The following PRORP variants were observed in gnomAD, a reference collection of about 807,000 sequenced individuals.
The protein encoded by PRORP is mitochondrial ribonuclease P catalytic subunit.
In PRORP, 51 loss-of-function variants were observed where a neutral mutation model predicts 59.4. The observed-to-expected ratio is 0.86, with a 90% confidence interval of 0.69 to 1.08. The LOEUF is 1.08. PRORP is among the 50% of genes least tolerant of loss of function. The pLI, the probability that PRORP is intolerant of heterozygous loss-of-function variation, is 0.00. For synonymous variants in PRORP, 231 were observed against 245.6 expected (o/e 0.94, Z 0.55); for missense variants, 646 against 690.3 (o/e 0.94, Z 0.72).
chr14:35,245,687 A>G (rs1034573973), intron 5 of PRORP, among the ~76,000 whole-genome samples: 3 of 152,106 alleles, frequency 2.0e-5, no homozygotes, highest in African/African-American at 7.2e-5. Context: ...CTTGGTGATG[A>G]CAGTATGCAA....
rs532520505 is a variant in PRORP, at chr14:35,129,944, T to C, written c.1167+2333T>C. Among the ~76,000 whole-genome samples, 22 of 152,328 alleles carry C rather than the reference T, an allele frequency of 1.4e-4. No individual in the cohort carries two copies. In the South Asian group the frequency reaches 4.3e-3, roughly 30 times the overall value. ...GTCTCCCTGCTTTTTAACTTTTTAT[T>C]GTTTCTATTTATATCTTACTGTACT... is the stretch of plus-strand genomic sequence containing the variant. On this transcript the variant is annotated intron_variant, in intron 4 of 7. Transcript: ENST00000534898.
chr14:35,181,498 C>G (rs577112445), intron 5 of PRORP, among the ~76,000 whole-genome samples: 6 of 151,996 alleles, frequency 3.9e-5, no homozygotes, highest in Admixed American at 3.9e-4. Context: ...AAATTGCTGC[C>G]GCTGGCTGGG....
chr14:35,219,718 C>T (rs1050784552), intron 5 of PRORP, among the ~76,000 whole-genome samples: 2 of 151,752 alleles, frequency 1.3e-5, no homozygotes, highest in Non-Finnish European at 2.9e-5. Context: ...CTGGCAAATT[C>T]TTGTATGCCT....
chr14:35,186,617 A>G (rs2048749594), intron 5 of PRORP, among the ~76,000 whole-genome samples: 2 of 147,826 alleles, frequency 1.4e-5, no homozygotes. Context: ...TTCTTTTGAG[A>G]CAGGTACTTG....
At chr14:35,140,220 T>C in intron 4 of PRORP, among the ~76,000 whole-genome samples, 1 of 113,178 alleles carries the variant, frequency 8.8e-6, no homozygotes, top group East Asian at 3.6e-4. Flanking sequence ...GGTAGATGTC[T>C]TATGGTAGAT....
chr14:35,160,841 G>A (rs184696717), intron 4 of PRORP, among the ~76,000 whole-genome samples: 20 of 152,288 alleles, frequency 1.3e-4, no homozygotes, highest in Non-Finnish European at 2.4e-4. Context: ...ATGCACTACA[G>A]GCAATCCTCA....
intron 4 of PRORP, among the ~76,000 whole-genome samples, chr14:35,165,308 G>A (rs1368193351): frequency 6.6e-6 from 1 of 151,886 alleles, no homozygotes; most frequent in Non-Finnish European, 1.5e-5. Context: ...CTGTTGCTCT[G>A]AGGGATAGTA....
At chr14:35,160,933 G>C (rs192144398) in intron 4 of PRORP, among the ~76,000 whole-genome samples, 30 of 152,330 alleles carry the variant, frequency 2.0e-4, no homozygotes, top group African/African-American at 7.2e-4. Context: ...GCCCTTTGAA[G>C]GCGACAAGCT....
chr14:35,245,669 GT>G (rs1212670160), intron 5 of PRORP, among the ~76,000 whole-genome samples: 19 of 152,112 alleles, frequency 1.2e-4, no homozygotes, highest in African/African-American at 4.6e-4. Flanking sequence ...AGTGATGGCA[GT>G]GAGGATCTTG....
At position 35,275,903 on chromosome 14, in the gene PRORP, C is replaced by A. The variant is rs1378869798; in HGVS notation, c.*2337C>A. 6.6e-6 allele frequency: 1 copy of A among 152,076 alleles called. No individual in the cohort carries two copies. The highest frequency in any genetic ancestry group is 1.5e-5 in the Non-Finnish European group (1 of 68,074). 9.4% of individuals were successfully genotyped at this position (152,076 alleles called of 1,614,324 possible). On this transcript the variant is annotated 3_prime_UTR_variant, in exon 8 of 8. Coordinates refer to ENST00000534898, the MANE Select transcript of PRORP (RefSeq NM_014672.4). ...GTCCATTTTGGAGATGAGGAACAGA[C>A]CCAGGAAGATGACCTGGCTTCCCTG...
At chr14:35,222,942 G>C (rs1052790820) in intron 5 of PRORP, among the ~76,000 whole-genome samples, 1 of 152,212 alleles carries the variant, frequency 6.6e-6, no homozygotes, top group East Asian at 1.9e-4. Flanking sequence ...CCTTCTGTCT[G>C]TCTGGGGTTA....
At chr14:35,164,354 G>T (rs775633940) in intron 4 of PRORP, among the ~76,000 whole-genome samples, 1 of 152,120 alleles carries the variant, frequency 6.6e-6, no homozygotes, top group Non-Finnish European at 1.5e-5. Flanking sequence ...GCATTGCTGC[G>T]CTACTCACAA....
At chr14:35,205,129 G>A (rs561212278) in intron 5 of PRORP, among the ~76,000 whole-genome samples, 1 of 151,982 alleles carries the variant, frequency 6.6e-6, no homozygotes, top group South Asian at 2.1e-4. Context: ...TCTCTTTATG[G>A]GCTTTGTCAA....
At chr14:35,182,319 C>T (rs1213377657) in intron 5 of PRORP, among the ~76,000 whole-genome samples, 1 of 151,700 alleles carries the variant, frequency 6.6e-6, no homozygotes, top group African/African-American at 2.4e-5. Flanking sequence ...AGCAAATTTC[C>T]TCACTGTATC....
chr14:35,230,925 G>A (rs1434281911), intron 5 of PRORP, among the ~76,000 whole-genome samples: 2 of 138,764 alleles, frequency 1.4e-5, no homozygotes, highest in East Asian at 4.3e-4. Context: ...ACTGTGTAAA[G>A]ACAGGAAAAG....
intron 4 of PRORP, chr14:35,143,977 A>C (rs1297791215): frequency 7.1e-6 from 1 of 139,868 alleles, no homozygotes; most frequent in Non-Finnish European, 1.6e-5. Context: ...AATAAGTGGC[A>C]AAAAAAAAAC....
chr14:35,246,926 C>T (rs4982250), intron 5 of PRORP, among the ~76,000 whole-genome samples: 51,308 of 151,948 alleles, frequency 0.34, 10,295 homozygotes, highest in East Asian at 0.69. Context: ...TCCCTAATCC[C>T]GTCCCGATTG....
intron 5 of PRORP, chr14:35,262,588 G>A: frequency 2.8e-6 from 2 of 717,998 alleles, no homozygotes; most frequent in Non-Finnish European, 5.2e-6. Context: ...CATCAGTGTA[G>A]ATTCAGTCTT....
intron 4 of PRORP, among the ~76,000 whole-genome samples, chr14:35,149,978 C>T (rs766767585): frequency 1.3e-5 from 2 of 152,094 alleles, no homozygotes; most frequent in Non-Finnish European, 2.9e-5. Context: ...CTCAGCCTCC[C>T]GAGTAGCTGG....
Sources: gnomAD v4.1 joint callset for allele counts (sites outside exome capture counted in the v4.1 genomes callset) on GRCh38, gnomAD v4.1.1 for gene constraint, MANE v1.5 for transcripts, NCBI Gene and HGNC (gene_info 2026-07-23, HGNC 2026-07-21) for gene names.